DNASE1: variants seen among roughly 807,000 people sequenced by gnomAD.
DNASE1 encodes the protein deoxyribonuclease 1.
Under a neutral mutation model 33.9 loss-of-function variants are expected in DNASE1, and 40 were observed. That is an observed-to-expected ratio of 1.18 (90% CI 0.92 to 1.54). DNASE1 has a LOEUF of 1.54. Ranked by LOEUF, DNASE1 falls within the 40% of genes most tolerant of loss-of-function variation. DNASE1 has a pLI of 0.00. For synonymous variants in DNASE1, 216 were observed against 160.0 expected (o/e 1.35, Z -2.64); for missense variants, 518 against 372.6 (o/e 1.39, Z -3.21).
intron 7 of DNASE1, 110 bp downstream of exon 7, chr16:3,657,451 G>A (rs2151225093): frequency 7.0e-7 from 1 of 1,423,862 alleles, no homozygotes. Context: ...ACCCAACTGA[G>A]CTTCAGTTGA....
chr16:3,617,577 A>C (rs987360358), intron 1 of DNASE1, among the ~76,000 whole-genome samples: 3 of 152,164 alleles, frequency 2.0e-5, no homozygotes, highest in African/African-American at 7.2e-5. Flanking sequence ...CTAAATGTTT[A>C]TGTCTCCCCC....
In DNASE1 at chr16:3,656,637, G is replaced by A; in HGVS notation, c.321-1G>A. 6.2e-7 allele frequency: 1 copy of A among 1,609,464 alleles called. No homozygotes were observed. Among genetic ancestry groups the A allele is most frequent in the Non-Finnish European group, 8.5e-7 (1 of 1,177,944 alleles). Reference sequence around the variant, plus strand: ...CCTCCTCCTGCCCGGCCTTCCCGCAGGCCTGACCAGGTGTCTGCGGTGGAC... The same window carrying A: ...CCTCCTCCTGCCCGGCCTTCCCGCAAGCCTGACCAGGTGTCTGCGGTGGAC... On this transcript the variant is annotated splice_acceptor_variant, in intron 4 of 8. Coordinates refer to ENST00000246949, the MANE Select transcript of DNASE1 (RefSeq NM_005223.4). LOFTEE classifies it high-confidence loss of function.
chr16:3,658,886 G>A (rs762387769), downstream of DNASE1: 13 of 1,613,562 alleles, frequency 8.1e-6, no homozygotes, highest in African/African-American at 6.7e-5. Flanking sequence ...GAACCCACCA[G>A]AAAAAGCAGC....
chr16:3,655,823 C>T, intron 2 of DNASE1, 26 bp from the exon 3 acceptor site: 1 of 1,612,448 alleles, frequency 6.2e-7, no homozygotes, highest in Non-Finnish European at 8.5e-7. Context: ...CAGCCCTGCT[C>T]AGCACCACTG....
intron 1 of DNASE1, among the ~76,000 whole-genome samples, chr16:3,633,829 G>C (rs892289220): frequency 1.3e-4 from 19 of 151,788 alleles, no homozygotes; most frequent in Admixed American, 7.2e-4. Context: ...ATTTTTTTAA[G>C]ACCGAGTCTC....
intron 1 of DNASE1, among the ~76,000 whole-genome samples, chr16:3,614,951 C>T (rs1381778978): frequency 6.6e-6 from 1 of 152,130 alleles, no homozygotes; most frequent in African/African-American, 2.4e-5. Context: ...CTACCTCTCT[C>T]CCCCAACCCC....
In DNASE1 at chr16:3,622,660, C is replaced by T. The variant is rs2041364524; in HGVS notation, c.-1359+10654C>T. Among the ~76,000 whole-genome samples, 3 of 152,080 alleles carry T rather than the reference C, an allele frequency of 2.0e-5. 1 individual carries two copies. Among genetic ancestry groups the T allele is most frequent in the Admixed American group, 6.6e-5 (1 of 15,246 alleles). ...TGAGGTGGAGTCTCACCATGTTGCC[C>T]AGGCTAGACTTGAACTCCTGGGCTC... On this transcript the variant is annotated intron_variant and NMD_transcript_variant, in intron 1 of 11. Coordinates refer to the DNASE1 transcript ENST00000570769.
intron 1 of DNASE1, among the ~76,000 whole-genome samples, chr16:3,616,721 C>T (rs773097734): frequency 6.6e-6 from 1 of 152,196 alleles, no homozygotes; most frequent in Non-Finnish European, 1.5e-5. Context: ...TTTTCAAGAA[C>T]GTACTTCCTT....
At chr16:3,652,530 A>G (rs1049498235), upstream of DNASE1, 1 of 152,162 alleles carries the variant, frequency 6.6e-6, no homozygotes, top group East Asian at 1.9e-4. Flanking sequence ...ACAGGGAAGA[A>G]CCATTGCTGA....
At chr16:3,622,233 CGGA>C (rs1198099863) in intron 1 of DNASE1, among the ~76,000 whole-genome samples, 1 of 135,032 alleles carries the variant, frequency 7.4e-6, no homozygotes, top group Non-Finnish European at 1.6e-5. Flanking sequence ...AAAAAAAAAA[CGGA>C]GGCTGAATCA....
At position 3,657,899 on chromosome 16, in the gene DNASE1, C is replaced by A. The variant is rs1484611418; in HGVS notation, c.802-7C>A. On this transcript the variant is annotated splice_region_variant and splice_polypyrimidine_tract_variant and intron_variant, in intron 8 of 8. Transcript: ENST00000246949. ...TCAGCCCAGACCCTGTGCCCACTTG[C>A]CTGCAGGCCCAAGCCATCAGTGACC... 1.2e-6 allele frequency: 2 copies of A among 1,613,886 alleles called. No homozygotes were observed. The highest frequency in any genetic ancestry group is 1.7e-6 in the Non-Finnish European group (2 of 1,180,018).
chr16:3,612,865 AGTT>A (rs2040952671), intron 1 of DNASE1, among the ~76,000 whole-genome samples: 1 of 152,172 alleles, frequency 6.6e-6, no homozygotes, highest in Non-Finnish European at 1.5e-5. Flanking sequence ...GTCAAGACGC[AGTT>A]GTTAACGATT....
intron 1 of DNASE1, among the ~76,000 whole-genome samples, chr16:3,612,525 ACAGGCGTGAGCCACCGCTCACGG>A (rs1243512229): frequency 7.1e-6 from 1 of 141,778 alleles, no homozygotes; most frequent in Non-Finnish European, 1.5e-5. Flanking sequence ...TGGTGGGATT[ACAGGCGTGAGCCACCGCTCACGG>A]CTTTTTTTTT....
chr16:3,622,517 T>G (rs750298132), intron 1 of DNASE1, among the ~76,000 whole-genome samples: 1 of 152,236 alleles, frequency 6.6e-6, no homozygotes, highest in Non-Finnish European at 1.5e-5. Flanking sequence ...ATGTGATTAA[T>G]CTTTTTCCTA....
upstream of DNASE1, among the ~76,000 whole-genome samples, chr16:3,642,413 C>T (rs1289839212): frequency 6.6e-6 from 1 of 152,244 alleles, no homozygotes; most frequent in African/African-American, 2.4e-5. Context: ...CTCCCTCCTT[C>T]CTCAGAGAGG....
exon 10 of DNASE1, chr16:3,664,277 T>C (rs1004410095): frequency 6.3e-7 from 1 of 1,581,110 alleles, no homozygotes. Flanking sequence ...CACCCACCTC[T>C]GTGTCTTTCT....
At chr16:3,653,452 A>C (rs1023405629), upstream of DNASE1, 1 of 152,202 alleles carries the variant, frequency 6.6e-6, no homozygotes, top group Non-Finnish European at 1.5e-5. Flanking sequence ...TCACACTTGT[A>C]ATCCCAGCAT....
intron 1 of DNASE1, among the ~76,000 whole-genome samples, chr16:3,630,883 A>G (rs1187100525): frequency 5.9e-5 from 9 of 152,128 alleles, no homozygotes; most frequent in Non-Finnish European, 1.0e-4. Context: ...TATAGATGGC[A>G]TATAATTGGG....
chr16:3,625,779 T>C (rs769573700), intron 1 of DNASE1, among the ~76,000 whole-genome samples: 7 of 152,050 alleles, frequency 4.6e-5, no homozygotes, highest in Non-Finnish European at 8.8e-5. Context: ...GACATTAAAA[T>C]TAAGAACCTT....
Sources: allele counts gnomAD v4.1 joint callset (sites outside exome capture counted in the v4.1 genomes callset), GRCh38; gene constraint gnomAD v4.1.1; transcripts MANE v1.5; gene names NCBI Gene and HGNC (gene_info 2026-07-23, HGNC 2026-07-21).